Variants in LRRC31 observed in about 807,000 individuals in gnomAD.
LRRC31 encodes leucine rich repeat containing 31, also known as leucine-rich repeat-containing protein 31.
Under a neutral mutation model 46.7 loss-of-function variants are expected in LRRC31, and 35 were observed. The ratio of observed to expected loss-of-function variants is 0.75; its 90% confidence interval spans 0.57 to 0.99. The LOEUF (loss-of-function observed/expected upper bound fraction) is 0.99. Among genes scored for constraint, LRRC31 ranks in the 50% least tolerant of loss-of-function variants. The probability of loss-of-function intolerance (pLI) is 0.00; values close to 1 mark genes in which losing one functional copy is unlikely to be tolerated. For synonymous variants in LRRC31, 236 were observed against 235.1 expected (o/e 1.00, Z -0.03); for missense variants, 613 against 626.1 (o/e 0.98, Z 0.22).
At position 169,856,790 on chromosome 3, in the gene LRRC31, G is replaced by C; in HGVS notation, c.570C>G (p.Ile190Met). The change falls in exon 4 of 9, where the codon ATC (isoleucine) becomes ATG (methionine). Residue 190 changes from isoleucine to methionine, a missense_variant. Ile to Met is a conservative substitution (Grantham distance 10, BLOSUM62 1). Transcript: ENST00000316428. ...TGCTCCCTTTTTGGAACTTCTGAAG[G>C]ATCAGAGGCAAATTTCCTCCCACTT... ...NSKVGGNLPL[I>M]LQKFQKGSKI... is the part of the protein sequence containing the mutation. The C allele has an allele frequency of 6.2e-7, 1 of 1,608,178 alleles. No homozygotes were observed.
intron 8 of LRRC31, among the ~76,000 whole-genome samples, chr3:169,845,810 C>T (rs981165165): frequency 6.6e-6 from 1 of 150,750 alleles, no homozygotes; most frequent in Non-Finnish European, 1.5e-5. Context: ...CTCTAAGATG[C>T]AACACAAAAA....
chr3:169,853,594 C>T (rs1264656742), intron 6 of LRRC31: 4 of 985,734 alleles, frequency 4.1e-6, no homozygotes, highest in Non-Finnish European at 4.8e-6. Flanking sequence ...AGGTATGACG[C>T]TCAGGCTATG....
intron 8 of LRRC31, among the ~76,000 whole-genome samples, chr3:169,845,601 G>A (rs1780581173): frequency 6.6e-6 from 1 of 152,146 alleles, no homozygotes; most frequent in Non-Finnish European, 1.5e-5. Flanking sequence ...GCAAATCAAT[G>A]GAGAATGGAT....
intron 1 of LRRC31, among the ~76,000 whole-genome samples, chr3:169,867,054 TG>T (rs57754369): frequency 0.063 from 8,163 of 128,572 alleles, 1,085 homozygotes; most frequent in African/African-American, 0.16. Flanking sequence ...TTTGTTTGTT[TG>T]TTTGTTTTTT....
At chr3:169,842,721 T>C (rs919596775) in intron 8 of LRRC31, among the ~76,000 whole-genome samples, 5 of 152,070 alleles carry the variant, frequency 3.3e-5, no homozygotes, top group Non-Finnish European at 7.4e-5. Context: ...AAGTATAAAT[T>C]TGACCTGAGA....
At chr3:169,860,520 G>T in intron 3 of LRRC31, 41 bp downstream of exon 3, 1 of 1,606,534 alleles carries the variant, frequency 6.2e-7, no homozygotes, top group Admixed American at 1.7e-5. Flanking sequence ...GAGCCACGGC[G>T]CCCGGCCGAA....
intron 2 of LRRC31, among the ~76,000 whole-genome samples, 163 bp from the exon 3 acceptor site, chr3:169,860,891 A>G (rs1781132345): frequency 6.6e-6 from 1 of 152,210 alleles, no homozygotes; most frequent in Non-Finnish European, 1.5e-5. Flanking sequence ...TCAGCTGTAC[A>G]AGTGGAGAAA....
intron 6 of LRRC31, among the ~76,000 whole-genome samples, chr3:169,852,003 G>A (rs1780790716): frequency 6.6e-6 from 1 of 151,740 alleles, no homozygotes; most frequent in Non-Finnish European, 1.5e-5. Flanking sequence ...CAAAGGCTGT[G>A]GAGACAGAGA....
rs748392730 is a variant in LRRC31, at chr3:169,840,117, A to C, written c.1524T>G (p.Ala508=). Residue 508 remains alanine (A), a synonymous_variant, in exon 9 of 9, where the codon GCT becomes GCG. Transcript: ENST00000316428. ...CGQWFRHLLY[A]VTKLPQITEI... The stretch of plus-strand genomic sequence containing the variant: ...CAGTGATCTGAGGAAGCTTGGTCAC[A>C]GCATATAACAAGTGTCTAAACCATT... 1 of 1,614,166 alleles carries C rather than the reference A, an allele frequency of 6.2e-7. No homozygotes were observed. Among genetic ancestry groups the C allele is most frequent in the Non-Finnish European group, 8.5e-7 (1 of 1,180,016 alleles).
chr3:169,848,746 G>T (rs1248076880), intron 7 of LRRC31, among the ~76,000 whole-genome samples: 1 of 152,196 alleles, frequency 6.6e-6, no homozygotes. Context: ...GTGAACCACC[G>T]CGCCCAGCCT....
At chr3:169,849,726 A>G (rs1284545526) in intron 7 of LRRC31, among the ~76,000 whole-genome samples, 1 of 152,198 alleles carries the variant, frequency 6.6e-6, no homozygotes, top group Non-Finnish European at 1.5e-5. Context: ...ACGGTTCTCT[A>G]CTGGGGGTTA....
chr3:169,864,458 G>T (rs1181393755), intron 1 of LRRC31, among the ~76,000 whole-genome samples: 1 of 152,150 alleles, frequency 6.6e-6, no homozygotes, highest in Non-Finnish European at 1.5e-5. Flanking sequence ...GTCTGTCTGA[G>T]GAACAAGTCA....
At position 169,859,024 on chromosome 3, in the gene LRRC31, G is replaced by A. The variant is rs1331534830; in HGVS notation, c.487+1537C>T. On this transcript the variant is annotated intron_variant, in intron 3 of 8. Transcript: ENST00000316428. ...GCCATCTCAAAAAAAAAAAGGGGGG[G>A]GGTGGGGGATGGGCACTAGGATTTG... is the stretch of plus-strand genomic sequence containing the variant. 3.6e-5 allele frequency among the ~76,000 whole-genome samples: 5 copies of A among 138,050 alleles called. 1 individual carries two copies. The highest frequency in any genetic ancestry group is 7.7e-5 in the Non-Finnish European group (5 of 64,686). 90.6% of individuals were successfully genotyped at this position (138,050 alleles called of 152,430 possible).
chr3:169,853,916 T>C (rs1183880330), intron 6 of LRRC31, among the ~76,000 whole-genome samples: 1 of 152,240 alleles, frequency 6.6e-6, no homozygotes, highest in Non-Finnish European at 1.5e-5. Flanking sequence ...CATGTGCAGG[T>C]GCCTGTGCTT....
Position 169,857,339 on chromosome 3 carries a change from TATATATAC to T in LRRC31, c.488-475_488-468del, listed in dbSNP as rs796297684. 6.1e-3 allele frequency among the ~76,000 whole-genome samples: 691 copies of T among 112,358 alleles called. 47 individuals are homozygous for T. In the East Asian group the frequency reaches 0.11, roughly 18 times the overall value. The allele number at this position is 112,358 out of a possible 152,430, so 73.7% of individuals were successfully genotyped here. On this transcript the variant is annotated intron_variant, in intron 3 of 8. Transcript: ENST00000316428. Reference sequence around the variant, plus strand: ...ATGCCTATATATATATATATATATATATATATACACACACACACACACACACACACAAG... The same window carrying T: ...ATGCCTATATATATATATATATATATACACACACACACACACACACACAAG...
intron 6 of LRRC31, among the ~76,000 whole-genome samples, chr3:169,854,390 G>A (rs866210219): frequency 1.3e-5 from 2 of 152,148 alleles, no homozygotes; most frequent in African/African-American, 2.4e-5. Flanking sequence ...GCCATCACGC[G>A]CCACCCTGCT....
intron 1 of LRRC31, among the ~76,000 whole-genome samples, chr3:169,867,785 C>G (rs67883078): frequency 0.015 from 2,311 of 152,268 alleles, 25 homozygotes; most frequent in Middle Eastern, 0.041. Flanking sequence ...TGACATTGCA[C>G]ATAACACATA....
At chr3:169,849,452 T>A (rs1004702884) in intron 7 of LRRC31, among the ~76,000 whole-genome samples, 2 of 151,098 alleles carry the variant, frequency 1.3e-5, no homozygotes, top group African/African-American at 2.4e-5. Flanking sequence ...GCAATTCCTT[T>A]AAAAAAAAAA....
At chr3:169,852,569 G>GT (rs1780820174) in intron 6 of LRRC31, among the ~76,000 whole-genome samples, 1 of 152,176 alleles carries the variant, frequency 6.6e-6, no homozygotes, top group South Asian at 2.1e-4. Context: ...CAGAATGTAA[G>GT]TACCAGTAAG....
Sources: gnomAD v4.1 joint callset for allele counts (sites outside exome capture counted in the v4.1 genomes callset) on GRCh38, gnomAD v4.1.1 for gene constraint, MANE v1.5 for transcripts, NCBI Gene and HGNC (gene_info 2026-07-23, HGNC 2026-07-21) for gene names.